Variants in CSMD1 observed in about 807,000 individuals in gnomAD.
The protein encoded by CSMD1 is CUB and sushi domain-containing protein 1.
In CSMD1, 213 loss-of-function variants were observed where a neutral mutation model predicts 417.5. The ratio of observed to expected loss-of-function variants is 0.51; its 90% CI spans 0.46 to 0.57. CSMD1 has a LOEUF of 0.57. CSMD1 is among the 20% of genes least tolerant of loss of function. The pLI is 0.00. For missense variants in CSMD1, 6,923 were observed against 4,529.7 expected (o/e 1.53, Z -15.17); for synonymous variants, 2,862 against 1,736.8 (o/e 1.65, Z -16.11).
At chr8:3,061,663 AC>A (rs1320254839) in intron 49 of CSMD1, among the ~76,000 whole-genome samples, 1 of 152,210 alleles carries the variant, frequency 6.6e-6, no homozygotes, top group Non-Finnish European at 1.5e-5. Flanking sequence ...AAAGTCATAT[AC>A]ACAGGTGGTA....
At chr8:4,076,166 G>C (rs62501283) in intron 3 of CSMD1, among the ~76,000 whole-genome samples, 9 of 152,156 alleles carry the variant, frequency 5.9e-5, no homozygotes, top group Admixed American at 5.9e-4. Flanking sequence ...TTGCTCCATG[G>C]TGTTCTCACG....
intron 1 of CSMD1, among the ~76,000 whole-genome samples, chr8:4,992,023 T>C (rs546956735): frequency 6.6e-6 from 1 of 152,100 alleles, no homozygotes; most frequent in Non-Finnish European, 1.5e-5. Context: ...TCCAGCTCCA[T>C]GCACGCCAGG....
At chr8:4,836,355 T>A (rs1800491054) in intron 1 of CSMD1, among the ~76,000 whole-genome samples, 1 of 152,210 alleles carries the variant, frequency 6.6e-6, no homozygotes. Flanking sequence ...AAGACTTCTA[T>A]GTGGAGCCAT....
rs1433052804 is a variant in CSMD1, at chr8:3,553,311, G to A, written c.1344+21634C>T. 4.6e-5 allele frequency among the ~76,000 whole-genome samples: 7 copies of A among 152,152 alleles called. No individual in the cohort carries two copies. The South Asian group carries it at 1.2e-3, about 27-fold the overall frequency. ...CGCTTGGTGAAATGGAGACATGAGAGCCAATTTCAGGAATTTTTATAATAA... is the reference window on the plus strand; with the variant it reads ...CGCTTGGTGAAATGGAGACATGAGAACCAATTTCAGGAATTTTTATAATAA... On this transcript the variant is annotated intron_variant, in intron 10 of 69. Transcript: ENST00000635120.
intron 11 of CSMD1, among the ~76,000 whole-genome samples, chr8:3,483,321 C>A (rs1228006363): frequency 6.6e-6 from 1 of 151,850 alleles, no homozygotes; most frequent in East Asian, 1.9e-4. Flanking sequence ...GATTCATCAG[C>A]CATCACAAAG....
intron 65 of CSMD1, among the ~76,000 whole-genome samples, chr8:2,952,882 T>A (rs545388032): frequency 1.3e-5 from 2 of 152,230 alleles, no homozygotes; most frequent in Admixed American, 6.5e-5. Flanking sequence ...GCAGAGGTCA[T>A]CTTTCTGGGT....
intron 1 of CSMD1, among the ~76,000 whole-genome samples, chr8:4,909,818 T>C (rs1020095396): frequency 5.3e-5 from 8 of 152,196 alleles, no homozygotes; most frequent in African/African-American, 1.7e-4. Flanking sequence ...TGTCCTTCAT[T>C]TCCAGGTGGC....
At chr8:3,498,395 T>G (rs1796455688) in intron 10 of CSMD1, among the ~76,000 whole-genome samples, 1 of 152,220 alleles carries the variant, frequency 6.6e-6, no homozygotes, top group African/African-American at 2.4e-5. Context: ...TTTTTTCTTT[T>G]TCTTGGGAAA....
intron 37 of CSMD1, among the ~76,000 whole-genome samples, chr8:3,166,779 G>A (rs1820247414): frequency 6.6e-6 from 1 of 151,950 alleles, no homozygotes; most frequent in South Asian, 2.1e-4. Flanking sequence ...TATTCTTAAG[G>A]CAGACTAAAA....
chr8:4,485,936 G>GT (rs1393932819), intron 2 of CSMD1, among the ~76,000 whole-genome samples: 1 of 151,850 alleles, frequency 6.6e-6, no homozygotes, highest in African/African-American at 2.4e-5. Flanking sequence ...CAATTATTTT[G>GT]TAGCCACAAA....
At chr8:3,940,162 G>T (rs774108612) in intron 5 of CSMD1, among the ~76,000 whole-genome samples, 1 of 151,992 alleles carries the variant, frequency 6.6e-6, no homozygotes, top group East Asian at 1.9e-4. Context: ...GCTTGTCATT[G>T]TGTTTCAAAC....
chr8:4,362,327 G>A (rs186676756), intron 3 of CSMD1, among the ~76,000 whole-genome samples: 161 of 152,198 alleles, frequency 1.1e-3, no homozygotes, highest in African/African-American at 3.8e-3. Context: ...GGTTGTAACT[G>A]AACCTTGAGA....
intron 7 of CSMD1, among the ~76,000 whole-genome samples, chr8:3,657,235 C>A (rs1798175727): frequency 6.6e-6 from 1 of 152,120 alleles, no homozygotes; most frequent in South Asian, 2.1e-4. Flanking sequence ...GTATAATCAA[C>A]ATACAAAAGC....
chr8:4,008,772 G>A (rs972794855), intron 4 of CSMD1, among the ~76,000 whole-genome samples: 3 of 151,682 alleles, frequency 2.0e-5, no homozygotes, highest in Non-Finnish European at 4.4e-5. Flanking sequence ...CACCACGCCT[G>A]GCTAATTTTT....
chr8:3,383,332 A>C (rs1307199872), intron 18 of CSMD1, among the ~76,000 whole-genome samples: 2 of 152,210 alleles, frequency 1.3e-5, no homozygotes, highest in African/African-American at 4.8e-5. Flanking sequence ...AGAACAACAG[A>C]ATGTCTTCAT....
intron 3 of CSMD1, among the ~76,000 whole-genome samples, chr8:4,310,274 A>G (rs1798488209): frequency 2.0e-5 from 3 of 152,202 alleles, no homozygotes; most frequent in South Asian, 4.1e-4. Context: ...AACTGTTATC[A>G]TGGCTGCTTA....
At chr8:4,160,329 A>C (rs776739381) in intron 3 of CSMD1, among the ~76,000 whole-genome samples, 11 of 152,188 alleles carry the variant, frequency 7.2e-5, no homozygotes. Context: ...AAATAAAATA[A>C]TGATTGAAAA....
chr8:4,237,320 G>C (rs887440188), intron 3 of CSMD1, among the ~76,000 whole-genome samples: 12 of 152,100 alleles, frequency 7.9e-5, no homozygotes, highest in African/African-American at 2.6e-4. Flanking sequence ...TTAACTCCTT[G>C]AACAGTAAAT....
At chr8:4,841,181 G>A (rs185161134) in intron 1 of CSMD1, among the ~76,000 whole-genome samples, 1 of 152,252 alleles carries the variant, frequency 6.6e-6, no homozygotes, top group East Asian at 1.9e-4. Flanking sequence ...TCCTCTCCTT[G>A]CAAAAGCAAA....
Sources: gnomAD v4.1 joint callset for allele counts (sites outside exome capture counted in the v4.1 genomes callset) on GRCh38, gnomAD v4.1.1 for gene constraint, MANE v1.5 for transcripts, NCBI Gene and HGNC (gene_info 2026-07-23, HGNC 2026-07-21) for gene names.